Variants in LRIG1 observed in about 807,000 individuals in gnomAD.
The protein encoded by LRIG1 is leucine-rich repeats and immunoglobulin-like domains protein 1.
A neutral mutation model predicts 99.2 loss-of-function variants in LRIG1; 48 were observed. The ratio of observed to expected loss-of-function variants is 0.48; its 90% CI spans 0.38 to 0.62. The LOEUF is 0.62. LRIG1 is among the 20% of genes least tolerant of loss of function. The pLI, the probability that LRIG1 is intolerant of heterozygous loss-of-function variation, is 0.00. For missense variants in LRIG1, 1,646 were observed against 1,434.4 expected, an observed-to-expected ratio of 1.15 and a Z score of -2.38; for synonymous variants, 772 against 596.1, an observed-to-expected ratio of 1.29 and a Z score of -4.30.
At chr3:66,459,208 G>A (rs902649115) in intron 2 of LRIG1, among the ~76,000 whole-genome samples, 1 of 152,192 alleles carries the variant, frequency 6.6e-6, no homozygotes, top group African/African-American at 2.4e-5. Flanking sequence ...CTAGAGCTGG[G>A]TGGGACATAA....
chr3:66,400,574 C>T (rs1003049494), intron 9 of LRIG1, among the ~76,000 whole-genome samples: 2 of 152,170 alleles, frequency 1.3e-5, no homozygotes, highest in Admixed American at 1.3e-4. Context: ...GGAGAAAGCC[C>T]ATCTGGCCCA....
intron 3 of LRIG1, among the ~76,000 whole-genome samples, chr3:66,444,333 C>A (rs1049173024): frequency 2.0e-5 from 3 of 152,062 alleles, no homozygotes; most frequent in Non-Finnish European, 2.9e-5. Context: ...CTGAGCCACC[C>A]AGGTCTGTTC....
In LRIG1 at chr3:66,500,272, T is replaced by G; in HGVS notation, c.136A>C (p.Thr46Pro). The change falls in exon 1 of 19, where the codon ACT (threonine) becomes CCT (proline). Residue 46 changes from threonine (T) to proline (P), a missense_variant. Coordinates refer to ENST00000273261, the MANE Select transcript of LRIG1 (RefSeq NM_015541.3). ...CAGTCCAGCGAGTCCCCAGCGCAAG[T>G]GCAGGCGGCCGCGCAGGGCGCCCGC... ...GPRAPCAAAC[T>P]CAGDSLDCGG... 2 of 1,491,682 alleles carry G rather than the reference T, an allele frequency of 1.3e-6. No individual in the cohort carries two copies. Among genetic ancestry groups the G allele is most frequent in the Non-Finnish European group, 1.8e-6 (2 of 1,127,306 alleles). 92.4% of individuals were successfully genotyped at this position (1,491,682 alleles called of 1,614,324 possible).
intron 11 of LRIG1, among the ~76,000 whole-genome samples, chr3:66,397,572 T>C (rs539605989): frequency 4.0e-5 from 6 of 151,632 alleles, no homozygotes; most frequent in African/African-American, 1.2e-4. Flanking sequence ...GAGCCCACAG[T>C]CCAAGTCCAC....
At chr3:66,432,691 T>TC (rs985395051) in intron 3 of LRIG1, among the ~76,000 whole-genome samples, 3 of 152,156 alleles carry the variant, frequency 2.0e-5, no homozygotes, top group Non-Finnish European at 4.4e-5. Flanking sequence ...TATCCCACAC[T>TC]CCTAGTCAGG....
intron 3 of LRIG1, among the ~76,000 whole-genome samples, chr3:66,438,232 C>T (rs13323717): frequency 0.94 from 143,800 of 152,220 alleles, 68,245 homozygotes; most frequent in Non-Finnish European, 1. Context: ...CACGCAGACT[C>T]TGCAACATAG....
At chr3:66,462,018 G>T (rs541052137) in intron 2 of LRIG1, among the ~76,000 whole-genome samples, 1 of 152,130 alleles carries the variant, frequency 6.6e-6, no homozygotes, top group African/African-American at 2.4e-5. Flanking sequence ...GCCAAGGCGC[G>T]CAGATCACAT....
chr3:66,472,063 GGGA>G (rs905148865), intron 1 of LRIG1, among the ~76,000 whole-genome samples: 2 of 152,048 alleles, frequency 1.3e-5, no homozygotes, highest in African/African-American at 4.8e-5. Flanking sequence ...CCAGCACTTT[GGGA>G]GGCCAAGGCA....
At chr3:66,401,736 T>C (rs893927639) in intron 9 of LRIG1, 25 of 1,264,870 alleles carry the variant, frequency 2.0e-5, no homozygotes, top group Non-Finnish European at 2.7e-5. Flanking sequence ...ACTATTTCTG[T>C]ACCACAGCCG....
chr3:66,470,686 G>C (rs995556542), intron 1 of LRIG1, among the ~76,000 whole-genome samples: 2 of 152,110 alleles, frequency 1.3e-5, no homozygotes, highest in African/African-American at 4.8e-5. Flanking sequence ...TAAGAACAGA[G>C]TATCGCCTTG....
chr3:66,385,822 T>C (rs1385215434), intron 13 of LRIG1, among the ~76,000 whole-genome samples, 159 bp downstream of exon 13: 1 of 152,152 alleles, frequency 6.6e-6, no homozygotes, highest in East Asian at 1.9e-4. Flanking sequence ...TCTGCAAAAC[T>C]TGCTCTGGGG....
chr3:66,406,123 G>C, intron 8 of LRIG1: 1 of 985,538 alleles, frequency 1.0e-6, no homozygotes, highest in Non-Finnish European at 1.2e-6. Flanking sequence ...GCTGCAGCAG[G>C]AATCAATGCT....
Position 66,380,643 on chromosome 3 carries a change from G to A in LRIG1, c.2989C>T (p.Pro997Ser), listed in dbSNP as rs770459338. 1.2e-6 allele frequency: 2 copies of A among 1,614,166 alleles called. No homozygotes were observed. The highest frequency in any genetic ancestry group is 1.7e-6 in the Non-Finnish European group (2 of 1,180,036). ...SCPECQGSLY[P>S]SNHDRMLTAV... ...GTCAGCATTCTATCGTGGTTACTGG[G>A]GTAGAGCGACCCTTGGCACTCGGGG... Residue 997 changes from proline (P) to serine (S), a missense_variant, in exon 18 of 19, where the codon CCC becomes TCC. Transcript: ENST00000273261.
At position 66,386,055 on chromosome 3, in the gene LRIG1, T is replaced by C. The variant is rs1325841355; in HGVS notation, c.1715A>G (p.Glu572Gly). 1 of 1,614,186 alleles carries C rather than the reference T, an allele frequency of 6.2e-7. No individual in the cohort carries two copies. The highest frequency in any genetic ancestry group is 2.2e-5 in the East Asian group (1 of 44,874). The part of the protein sequence containing the change: ...LHLRQVTFGH[E>G]GRYQCVITNH... ...GGTGATGACACATTGGTAGCGGCCC[T>C]CGTGCCCGAAAGTGACCTGACGGAG... Residue 572 changes from glutamate to glycine, a missense_variant, in exon 13 of 19, where the codon GAG becomes GGG. Coordinates refer to ENST00000273261, the MANE Select transcript of LRIG1 (RefSeq NM_015541.3).
rs201882525 is a variant in LRIG1, at chr3:66,384,285, C to T, written c.1790-13G>A. ...AATGATGGCAACACTGGAAAACATA[C>T]GTATACAGGGTCGGGTTACGGGACA... On this transcript the variant is annotated splice_polypyrimidine_tract_variant and intron_variant, in intron 13 of 18. Coordinates refer to ENST00000273261, the MANE Select transcript of LRIG1 (RefSeq NM_015541.3). 3.7e-6 allele frequency: 6 copies of T among 1,605,496 alleles called. No homozygotes were observed. The highest frequency in any genetic ancestry group is 2.2e-5 in the South Asian group (2 of 90,494).
chr3:66,420,728 T>C (rs747759411), intron 3 of LRIG1, among the ~76,000 whole-genome samples: 2 of 152,200 alleles, frequency 1.3e-5, no homozygotes, highest in Non-Finnish European at 2.9e-5. Flanking sequence ...GTGAGGTAGC[T>C]AGAGTAGTCA....
chr3:66,380,557 A>G lies in LRIG1; in HGVS notation c.3055+20T>C, dbSNP rs746378823. 6.2e-7 allele frequency: 1 copy of G among 1,613,428 alleles called. No homozygotes were observed. Among genetic ancestry groups the G allele is most frequent in the Non-Finnish European group, 8.5e-7 (1 of 1,179,404 alleles). ...TTAAGCAGCTCCCAACCCACCTGTT[A>G]GAAGACAGTCAAAAGTTACCTTTCC... On this transcript the variant is annotated intron_variant, in intron 18 of 18. Coordinates refer to ENST00000273261, the MANE Select transcript of LRIG1 (RefSeq NM_015541.3).
At position 66,468,550 on chromosome 3, in the gene LRIG1, G is replaced by C. The variant is rs140458789; in HGVS notation, c.219-6041C>G. Among the ~76,000 whole-genome samples, 71 of 152,258 alleles carry C rather than the reference G, an allele frequency of 4.7e-4. No homozygotes were observed. The South Asian group carries it at 0.011, about 24-fold the overall frequency. The stretch of plus-strand genomic sequence containing the variant: ...GCATATTTTAAGCTTTCAGATGTTT[G>C]CTAAACTGCATTAATACAGCTGGAA... On this transcript the variant is annotated intron_variant, in intron 1 of 18. Transcript: ENST00000273261.
chr3:66,419,005 AAAAAG>A, intron 3 of LRIG1, among the ~76,000 whole-genome samples: 1 of 152,324 alleles, frequency 6.6e-6, no homozygotes, highest in Non-Finnish European at 1.5e-5. Flanking sequence ...CTCCAAAGGA[AAAAAG>A]AAAAGAAAAC....
Sources: gnomAD v4.1 joint callset for allele counts (sites outside exome capture counted in the v4.1 genomes callset) on GRCh38, gnomAD v4.1.1 for gene constraint, MANE v1.5 for transcripts, NCBI Gene and HGNC (gene_info 2026-07-23, HGNC 2026-07-21) for gene names.